Variants in STK39 observed in about 807,000 individuals in gnomAD.
The protein encoded by STK39 is serine/threonine kinase 39, also known as STE20/SPS1-related proline-alanine-rich protein kinase.
A neutral mutation model predicts 77.8 loss-of-function variants in STK39; 20 were observed. That is an observed-to-expected ratio of 0.26 (90% CI 0.18 to 0.37). The LOEUF is 0.37. STK39 is among the 10% of genes least tolerant of loss of function. The pLI is 1.00. For synonymous variants in STK39, 246 were observed against 234.1 expected (o/e 1.05, Z -0.47); for missense variants, 479 against 656.5 (o/e 0.73, Z 2.95).
At chr2:168,195,168 T>A (rs1203064514) in intron 1 of STK39, among the ~76,000 whole-genome samples, 1 of 152,204 alleles carries the variant, frequency 6.6e-6, no homozygotes, top group Non-Finnish European at 1.5e-5. Flanking sequence ...TAACTAACGT[T>A]TCTACCTTGA....
chr2:168,135,954 T>C (rs987464620), intron 8 of STK39, among the ~76,000 whole-genome samples: 2 of 151,274 alleles, frequency 1.3e-5, no homozygotes, highest in Non-Finnish European at 2.9e-5. Context: ...TTTGAAGATT[T>C]TGAATATATG....
At chr2:168,030,085 CAA>C (rs200832679) in intron 14 of STK39, among the ~76,000 whole-genome samples, 1 of 151,974 alleles carries the variant, frequency 6.6e-6, no homozygotes, top group Non-Finnish European at 1.5e-5. Flanking sequence ...CTAAAAAATA[CAA>C]AAAATTAGCC....
At chr2:168,206,457 C>T (rs1484006112) in intron 1 of STK39, among the ~76,000 whole-genome samples, 2 of 152,118 alleles carry the variant, frequency 1.3e-5, no homozygotes, top group African/African-American at 4.8e-5. Context: ...TCCGCCACCA[C>T]ACCCAGCTAA....
intron 2 of STK39, among the ~76,000 whole-genome samples, chr2:168,178,060 G>C (rs1688996586): frequency 6.6e-6 from 1 of 152,170 alleles, no homozygotes; most frequent in Non-Finnish European, 1.5e-5. Context: ...TCAGTGCCTA[G>C]CATCTAAGGG....
intron 1 of STK39, among the ~76,000 whole-genome samples, chr2:168,212,976 A>G (rs1689929785): frequency 6.6e-6 from 1 of 152,238 alleles, no homozygotes. Flanking sequence ...TGCCTCTGCC[A>G]ATATTTAGTC....
chr2:168,018,079 A>G (rs988045067), intron 14 of STK39, among the ~76,000 whole-genome samples: 1 of 152,236 alleles, frequency 6.6e-6, no homozygotes, highest in Non-Finnish European at 1.5e-5. Context: ...CATTCAAATT[A>G]ATTTTAAGAA....
intron 17 of STK39, among the ~76,000 whole-genome samples, chr2:167,956,709 CT>C (rs1404241129): frequency 1.4e-5 from 1 of 69,538 alleles, no homozygotes; most frequent in East Asian, 2.4e-4. Flanking sequence ...CTCTCTCTCT[CT>C]CTCTCTCTCT....
chr2:168,123,099 G>A (rs1687450495), intron 10 of STK39, among the ~76,000 whole-genome samples: 1 of 152,196 alleles, frequency 6.6e-6, no homozygotes, highest in South Asian at 2.1e-4. Flanking sequence ...CTATCAAAGA[G>A]TGCATAAACT....
chr2:168,002,621 C>A (rs1684029440), intron 16 of STK39, among the ~76,000 whole-genome samples: 3 of 152,188 alleles, frequency 2.0e-5, no homozygotes, highest in African/African-American at 7.2e-5. Context: ...CTTAATTCCT[C>A]TGAGTTTGGC....
At chr2:168,152,102 A>C (rs6735283) in intron 5 of STK39, among the ~76,000 whole-genome samples, 63,590 of 152,126 alleles carry the variant, frequency 0.42, 14,953 homozygotes, top group East Asian at 0.67. Context: ...CCCAGCCCAG[A>C]TGTGCTGAAG....
At chr2:168,164,180 T>C (rs1193636358) in intron 3 of STK39, among the ~76,000 whole-genome samples, 1 of 152,044 alleles carries the variant, frequency 6.6e-6, no homozygotes, top group Admixed American at 6.6e-5. Context: ...TCACAAAAAT[T>C]CCTAAGAGCA....
intron 1 of STK39, among the ~76,000 whole-genome samples, chr2:168,234,585 T>C (rs1231878909): frequency 6.6e-6 from 1 of 152,152 alleles, no homozygotes; most frequent in East Asian, 1.9e-4. Context: ...TTCCTCCACC[T>C]TACTTTACAA....
chr2:168,235,564 A>G, intron 1 of STK39, among the ~76,000 whole-genome samples: 1 of 151,092 alleles, frequency 6.6e-6, no homozygotes, highest in South Asian at 2.1e-4. Context: ...GTCATTTAAC[A>G]TTAGGTATTA....
chr2:168,118,400 ATG>A (rs1253607141), intron 10 of STK39, among the ~76,000 whole-genome samples: 1 of 152,110 alleles, frequency 6.6e-6, no homozygotes, highest in African/African-American at 2.4e-5. Flanking sequence ...ATTTCAGAGT[ATG>A]TGTCATTATT....
intron 10 of STK39, among the ~76,000 whole-genome samples, chr2:168,109,981 G>C (rs1458042400): frequency 6.6e-6 from 1 of 152,118 alleles, no homozygotes; most frequent in South Asian, 2.1e-4. Flanking sequence ...TTCCCAGTTT[G>C]AGGTTTGTCT....
chr2:168,142,640 T>C (rs561344232), intron 5 of STK39, among the ~76,000 whole-genome samples: 2 of 152,334 alleles, frequency 1.3e-5, no homozygotes, highest in South Asian at 4.1e-4. Context: ...AGATGTATAG[T>C]AGCCATTTAT....
intron 17 of STK39, 27 bp from the exon 18 acceptor site, chr2:167,955,597 T>A: frequency 6.2e-7 from 1 of 1,605,806 alleles, no homozygotes; most frequent in Non-Finnish European, 8.5e-7. Context: ...AAAGCCTCAA[T>A]GCTGGTTTGC....
intron 15 of STK39, among the ~76,000 whole-genome samples, chr2:168,015,964 G>A (rs564653665): frequency 6.6e-6 from 1 of 152,266 alleles, no homozygotes; most frequent in South Asian, 2.1e-4. Context: ...GTCTCGCTCT[G>A]TCACCCAGGC....
intron 14 of STK39, among the ~76,000 whole-genome samples, chr2:168,021,405 A>C (rs573169269): frequency 6.6e-6 from 1 of 152,342 alleles, no homozygotes; most frequent in African/African-American, 2.4e-5. Context: ...TGTCCCATCA[A>C]GATGAAATAT....
Sources: gnomAD v4.1 joint callset for allele counts (sites outside exome capture counted in the v4.1 genomes callset) on GRCh38, gnomAD v4.1.1 for gene constraint, MANE v1.5 for transcripts, NCBI Gene and HGNC (gene_info 2026-07-23, HGNC 2026-07-21) for gene names.